Variants in SRRM4 observed in about 807,000 individuals in gnomAD.
SRRM4 encodes serine/arginine repetitive matrix 4.
A neutral mutation model predicts 68.9 loss-of-function variants in SRRM4; 33 were observed. The ratio of observed to expected loss-of-function variants is 0.48; its 90% CI spans 0.36 to 0.64. The LOEUF (loss-of-function observed/expected upper bound fraction) is 0.64, where lower values mean the gene tolerates loss of function less well. SRRM4 is among the 30% of genes least tolerant of loss of function. The probability of loss-of-function intolerance (pLI) is 0.00; values close to 1 mark genes in which losing one functional copy is unlikely to be tolerated. For missense variants in SRRM4, 817 were observed against 827.1 expected, an observed-to-expected ratio of 0.99 and a Z score of 0.15; for synonymous variants, 318 against 318.8, an observed-to-expected ratio of 1.00 and a Z score of 0.03.
intron 1 of SRRM4, among the ~76,000 whole-genome samples, chr12:118,988,142 G>T (rs936386935): frequency 2.0e-5 from 3 of 151,674 alleles, no homozygotes; most frequent in African/African-American, 2.4e-5. Context: ...AAAAAACAGC[G>T]AAGGGAGAGA....
At chr12:119,102,179 A>G in intron 1 of SRRM4, 57 bp from the exon 2 acceptor site, 2 of 1,484,022 alleles carry the variant, frequency 1.3e-6, no homozygotes, top group Non-Finnish European at 1.8e-6. Context: ...TATTTAATGA[A>G]CATTAAGTGT....
chr12:119,069,407 C>A (rs937982098), intron 1 of SRRM4, among the ~76,000 whole-genome samples: 8 of 152,154 alleles, frequency 5.3e-5, no homozygotes, highest in Non-Finnish European at 8.8e-5. Flanking sequence ...GGGGTGTGGA[C>A]ACACGTTGGG....
chr12:119,029,715 C>T (rs1445190117), intron 1 of SRRM4, among the ~76,000 whole-genome samples: 4 of 152,202 alleles, frequency 2.6e-5, no homozygotes, highest in African/African-American at 9.7e-5. Context: ...ACGTTTGTTT[C>T]TTCCTGCAGT....
chr12:119,141,683 T>A (rs766421273), intron 8 of SRRM4, among the ~76,000 whole-genome samples: 1 of 152,214 alleles, frequency 6.6e-6, no homozygotes, highest in Non-Finnish European at 1.5e-5. Flanking sequence ...CAAAATTTAC[T>A]GAGTGCCTAC....
intron 1 of SRRM4, among the ~76,000 whole-genome samples, chr12:119,054,074 T>C (rs1334529416): frequency 6.6e-6 from 1 of 152,166 alleles, no homozygotes; most frequent in Non-Finnish European, 1.5e-5. Flanking sequence ...ATCCTTCTAC[T>C]CTCTATGTCC....
chr12:119,018,324 A>G (rs1458479900), intron 1 of SRRM4, among the ~76,000 whole-genome samples: 2 of 152,190 alleles, frequency 1.3e-5, no homozygotes. Flanking sequence ...TCTGTGTGCT[A>G]TTTCATGGAT....
intron 1 of SRRM4, among the ~76,000 whole-genome samples, chr12:119,036,361 G>A (rs966851062): frequency 6.6e-6 from 1 of 152,268 alleles, no homozygotes; most frequent in South Asian, 2.1e-4. Context: ...CTCAGCCAGG[G>A]TCTCTTCCAT....
chr12:119,097,113 C>T (rs1003977274), intron 1 of SRRM4, among the ~76,000 whole-genome samples: 2 of 152,120 alleles, frequency 1.3e-5, no homozygotes, highest in South Asian at 2.1e-4. Flanking sequence ...CCAAAGATTT[C>T]GGCTTCTTTT....
At chr12:119,151,673 A>G (rs1056885302) in intron 10 of SRRM4, among the ~76,000 whole-genome samples, 2 of 152,068 alleles carry the variant, frequency 1.3e-5, no homozygotes, top group African/African-American at 2.4e-5. Context: ...CATTGGGCTC[A>G]CTCATACGCC....
At position 119,161,545 on chromosome 12, in the gene SRRM4, C is replaced by CA. The variant is rs1954514083; in HGVS notation, c.*4748dup. ...TGTAAATACCATGATGGGGGACCCC[C>CA]ATCAGAACATGGCTTATTTAATAAT... On this transcript the variant is annotated 3_prime_UTR_variant, in exon 13 of 13. Coordinates refer to ENST00000267260, the MANE Select transcript of SRRM4 (RefSeq NM_194286.4). 1 of 152,096 alleles carries CA rather than the reference C, an allele frequency of 6.6e-6. No individual in the cohort carries two copies. Among genetic ancestry groups the CA allele is most frequent in the South Asian group, 2.1e-4 (1 of 4,832 alleles). 9.4% of individuals were successfully genotyped at this position (152,096 alleles called of 1,614,324 possible).
In SRRM4 at chr12:119,122,111, A is replaced by T; in HGVS notation, c.506A>T (p.His169Leu). The T allele has an allele frequency of 6.2e-7, 1 of 1,609,836 alleles. No homozygotes were observed. Among genetic ancestry groups the T allele is most frequent in the East Asian group, 2.2e-5 (1 of 44,848 alleles). The change falls in exon 6 of 13, where the codon CAC becomes CTC. Residue 169 changes from histidine (H) to leucine (L), a missense_variant. His to Leu is a moderately conservative substitution (Grantham distance 99, BLOSUM62 -3). Transcript: ENST00000267260. Reference protein sequence around the residue: ...PKSKRRDEKRHKKQSRSRPRK... With the variant: ...PKSKRRDEKRLKKQSRSRPRK... ...AGCAAAAGAAGAGATGAGAAGAGGC[A>T]CAAGAAACAGTAAGTAGATACTACC...
intron 8 of SRRM4, among the ~76,000 whole-genome samples, chr12:119,141,743 G>A (rs1347097245): frequency 6.6e-6 from 1 of 152,200 alleles, no homozygotes; most frequent in Non-Finnish European, 1.5e-5. Context: ...AACCAGTCAT[G>A]GCCCTGCCCT....
At chr12:119,059,454 G>A (rs2136020699) in intron 1 of SRRM4, among the ~76,000 whole-genome samples, 1 of 152,198 alleles carries the variant, frequency 6.6e-6, no homozygotes, top group East Asian at 1.9e-4. Flanking sequence ...GTACTGATTA[G>A]GATAAAACTT....
At chr12:119,012,338 G>A (rs1953454860) in intron 1 of SRRM4, among the ~76,000 whole-genome samples, 1 of 152,132 alleles carries the variant, frequency 6.6e-6, no homozygotes, top group Admixed American at 6.5e-5. Flanking sequence ...GACTCACCTG[G>A]GGGTCTTTTT....
intron 1 of SRRM4, among the ~76,000 whole-genome samples, chr12:119,099,303 CT>C (rs1363203760): frequency 6.6e-6 from 1 of 152,032 alleles, no homozygotes; most frequent in East Asian, 1.9e-4. Context: ...CCAGCTAATT[CT>C]TTTATTTTTA....
chr12:119,099,547 A>T (rs1954066089), intron 1 of SRRM4, among the ~76,000 whole-genome samples: 2 of 152,370 alleles, frequency 1.3e-5, no homozygotes, highest in South Asian at 4.1e-4. Flanking sequence ...TGTGTAACAA[A>T]TTATTCCAAA....
At chr12:119,126,764 G>A (rs1281174301) in intron 7 of SRRM4, among the ~76,000 whole-genome samples, 1 of 151,746 alleles carries the variant, frequency 6.6e-6, no homozygotes, top group Non-Finnish European at 1.5e-5. Context: ...GCACACGTAT[G>A]TTTATTGCGG....
At chr12:119,099,216 C>A (rs1299175983) in intron 1 of SRRM4, among the ~76,000 whole-genome samples, 1 of 152,174 alleles carries the variant, frequency 6.6e-6, no homozygotes, top group Non-Finnish European at 1.5e-5. Context: ...CTCACTGCAA[C>A]CTCTGCTTCC....
intron 1 of SRRM4, among the ~76,000 whole-genome samples, chr12:118,990,705 C>G (rs1337459587): frequency 6.6e-6 from 1 of 152,226 alleles, no homozygotes; most frequent in Non-Finnish European, 1.5e-5. Context: ...CCTTGCCCCT[C>G]TTATCCATTA....
Sources: gnomAD v4.1 joint callset for allele counts (sites outside exome capture counted in the v4.1 genomes callset) on GRCh38, gnomAD v4.1.1 for gene constraint, MANE v1.5 for transcripts, NCBI Gene and HGNC (gene_info 2026-07-23, HGNC 2026-07-21) for gene names.